MPP7: variants seen among roughly 807,000 people sequenced by gnomAD.
The protein encoded by MPP7 is MAGUK p55 scaffold protein 7.
Under a neutral mutation model 76.5 loss-of-function variants are expected in MPP7, and 60 were observed. The observed-to-expected ratio is 0.78, with a 90% confidence interval of 0.64 to 0.97. The LOEUF (loss-of-function observed/expected upper bound fraction) is 0.97. MPP7 is among the 50% of genes least tolerant of loss of function. The pLI is 0.00. For missense variants in MPP7, 641 were observed against 694.0 expected (o/e 0.92, Z 0.86); for synonymous variants, 237 against 244.5 (o/e 0.97, Z 0.29).
chr10:28,272,448 T>A (rs993496093), intron 1 of MPP7, among the ~76,000 whole-genome samples: 1 of 152,218 alleles, frequency 6.6e-6, no homozygotes, highest in African/African-American at 2.4e-5. Flanking sequence ...TAGACATAAG[T>A]ATATAAAATA....
At position 28,056,584 on chromosome 10, in the gene MPP7, C is replaced by A; in HGVS notation, c.1447G>T (p.Val483Leu). 1.2e-6 allele frequency: 2 copies of A among 1,606,922 alleles called. No homozygotes were observed. The highest frequency in any genetic ancestry group is 1.7e-6 in the Non-Finnish European group (2 of 1,178,434). Residue 483 changes from valine (V) to leucine (L), a missense_variant, in exon 16 of 17, where the codon GTG (valine) becomes TTG (leucine). Val to Leu is a conservative substitution (Grantham distance 32). Transcript: ENST00000683449. ...HLRTLEFKPYVIFIKPPSIER... is the reference protein window; with the variant it reads ...HLRTLEFKPYLIFIKPPSIER... ...ATTGATGGAGGCTTTATAAATATCACATAGGGCTTAAATTCTAGTGTCCTT... is the reference window on the plus strand; with the variant it reads ...ATTGATGGAGGCTTTATAAATATCAAATAGGGCTTAAATTCTAGTGTCCTT...
intron 11 of MPP7, among the ~76,000 whole-genome samples, chr10:28,108,937 G>A (rs985497870): frequency 1.3e-5 from 2 of 152,046 alleles, no homozygotes; most frequent in Non-Finnish European, 2.9e-5. Context: ...ATTTGGGGCT[G>A]TTCAGTCAAT....
chr10:28,235,982 A>G (rs1280541230), intron 2 of MPP7, among the ~76,000 whole-genome samples: 2 of 152,236 alleles, frequency 1.3e-5, no homozygotes, highest in Admixed American at 6.5e-5. Flanking sequence ...TCACAGAGGA[A>G]TGACCATTAA....
upstream of MPP7, among the ~76,000 whole-genome samples, chr10:28,307,140 A>T (rs1228586845): frequency 6.6e-6 from 1 of 152,100 alleles, no homozygotes; most frequent in Non-Finnish European, 1.5e-5. Flanking sequence ...CACCCCTGAC[A>T]TTTTCAATCG....
At chr10:28,214,843 C>G (rs1015360195) in intron 2 of MPP7, among the ~76,000 whole-genome samples, 1 of 152,116 alleles carries the variant, frequency 6.6e-6, no homozygotes, top group Non-Finnish European at 1.5e-5. Context: ...AAATTAGCTA[C>G]AAGATTAGAA....
chr10:28,121,603 G>A (rs1293449375), intron 8 of MPP7, among the ~76,000 whole-genome samples: 1 of 151,894 alleles, frequency 6.6e-6, no homozygotes, highest in African/African-American at 2.4e-5. Context: ...GTCATTCTCT[G>A]TCTCTCTCTT....
intron 1 of MPP7, among the ~76,000 whole-genome samples, chr10:28,253,414 A>G (rs746294757): frequency 1.3e-5 from 2 of 152,190 alleles, no homozygotes; most frequent in Non-Finnish European, 2.9e-5. Flanking sequence ...GGAGCCTACA[A>G]AAGATGGACT....
chr10:28,144,632 C>A (rs1473869550), intron 5 of MPP7, among the ~76,000 whole-genome samples: 1 of 152,114 alleles, frequency 6.6e-6, no homozygotes, highest in Non-Finnish European at 1.5e-5. Flanking sequence ...CACATCCCAC[C>A]CCCAACCCAT....
rs1851563914 is a variant in MPP7, at chr10:28,056,504, G to A, written c.1527C>T (p.Asp509=). The change falls in exon 16 of 17, where the codon GAC becomes GAT. Residue 509 remains aspartate (D), a synonymous_variant. Coordinates refer to ENST00000683449, the MANE Select transcript of MPP7 (RefSeq NM_001318170.2). ...KNAKIISSRD[D]QGAAKPFTEE... is the part of the protein sequence containing the mutation. ...CTGTGAAGGGTTTTGCAGCACCTTG[G>A]TCATCTCTGCTTGAAATAATCTTTG... The A allele has an allele frequency of 1.9e-6, 3 of 1,612,714 alleles. No homozygotes were observed. The East Asian group carries it at 6.7e-5, about 36-fold the overall frequency.
chr10:28,060,196 A>T (rs1851723820), intron 13 of MPP7, among the ~76,000 whole-genome samples: 1 of 152,178 alleles, frequency 6.6e-6, no homozygotes, highest in Non-Finnish European at 1.5e-5. Context: ...TATGCCATCA[A>T]AGTTTTGTTT....
At chr10:28,087,713 C>T (rs893769705) in intron 12 of MPP7, among the ~76,000 whole-genome samples, 3 of 152,148 alleles carry the variant, frequency 2.0e-5, no homozygotes, top group Non-Finnish European at 2.9e-5. Context: ...CATTTTATTA[C>T]ATGTCTTTCC....
At chr10:28,057,356 C>T (rs2257112) in intron 15 of MPP7, among the ~76,000 whole-genome samples, 16,490 of 152,188 alleles carry the variant, frequency 0.11, 1,119 homozygotes, top group Non-Finnish European at 0.16. Flanking sequence ...GGCATTTTCC[C>T]GGGGTTTAAC....
At chr10:28,210,830 G>A (rs2134017682) in intron 2 of MPP7, among the ~76,000 whole-genome samples, 2 of 152,206 alleles carry the variant, frequency 1.3e-5, no homozygotes, top group African/African-American at 4.8e-5. Flanking sequence ...TCTGTGAGCC[G>A]GTTCATTAAG....
At chr10:28,297,867 GTTCA>G (rs1841070823) in intron 1 of MPP7, among the ~76,000 whole-genome samples, 1 of 152,086 alleles carries the variant, frequency 6.6e-6, no homozygotes, top group Non-Finnish European at 1.5e-5. Flanking sequence ...ATTGTAAATC[GTTCA>G]TTGTCATTTC....
At chr10:28,106,946 T>C (rs577286244) in intron 11 of MPP7, among the ~76,000 whole-genome samples, 1 of 152,228 alleles carries the variant, frequency 6.6e-6, no homozygotes, top group Admixed American at 6.5e-5. Context: ...ACTGATTAAA[T>C]ACTCATTTTA....
chr10:28,077,832 C>T (rs1001670991), intron 12 of MPP7, among the ~76,000 whole-genome samples: 6 of 152,178 alleles, frequency 3.9e-5, no homozygotes, highest in African/African-American at 1.4e-4. Flanking sequence ...ATCTAAACAG[C>T]CCATCTTTAA....
chr10:28,329,244 G>A (rs1834448565), intron 2 of MPP7, among the ~76,000 whole-genome samples: 1 of 152,080 alleles, frequency 6.6e-6, no homozygotes. Flanking sequence ...AGGATTTTAT[G>A]TTTCTGGTTT....
chr10:28,110,583 G>T (rs1834475821), intron 11 of MPP7, among the ~76,000 whole-genome samples: 1 of 152,144 alleles, frequency 6.6e-6, no homozygotes, highest in South Asian at 2.1e-4. Context: ...ACAGGGGAAT[G>T]AAATATTGGT....
intron 3 of MPP7, among the ~76,000 whole-genome samples, chr10:28,187,359 A>C (rs1026895420): frequency 2.6e-5 from 4 of 152,210 alleles, no homozygotes; most frequent in African/African-American, 9.6e-5. Flanking sequence ...TCTGTGCCTG[A>C]AAAAATGTAA....
Sources: allele counts gnomAD v4.1 joint callset (sites outside exome capture counted in the v4.1 genomes callset), GRCh38; gene constraint gnomAD v4.1.1; transcripts MANE v1.5; gene names NCBI Gene and HGNC (gene_info 2026-07-23, HGNC 2026-07-21).